KDM7A: variants seen among roughly 807,000 people sequenced by gnomAD.
KDM7A encodes the protein lysine demethylase 7A, also known as lysine-specific demethylase 7A.
Under a neutral mutation model 114.8 loss-of-function variants are expected in KDM7A, and 28 were observed. That is an observed-to-expected ratio of 0.24 (90% CI 0.18 to 0.33). The LOEUF (loss-of-function observed/expected upper bound fraction) is 0.33, where lower values mean the gene tolerates loss of function less well. Ranked by LOEUF, KDM7A falls within the 10% of genes least tolerant of loss-of-function variation. The pLI is 1.00. For synonymous variants in KDM7A, 423 were observed against 397.8 expected (o/e 1.06, Z -0.75); for missense variants, 942 against 1,142.5 (o/e 0.82, Z 2.53).
intron 9 of KDM7A, among the ~76,000 whole-genome samples, chr7:140,115,417 A>T (rs1347725824): frequency 2.0e-5 from 3 of 152,220 alleles, no homozygotes; most frequent in Admixed American, 1.3e-4. Context: ...AGAAAGAAGT[A>T]GACATGGGAG....
At position 140,176,798 on chromosome 7, in the gene KDM7A, T is replaced by C; in HGVS notation, c.140A>G (p.Asp47Gly). 2 of 1,415,238 alleles carry C rather than the reference T, an allele frequency of 1.4e-6. No individual in the cohort carries two copies. Among genetic ancestry groups the C allele is most frequent in the East Asian group, 3.4e-5 (1 of 29,342 alleles). 87.7% of individuals were successfully genotyped at this position (1,415,238 alleles called of 1,614,324 possible). ...GCACTCGATCATGAAGCGGTTCACG[T>C]CGTACGGCTGCCGGCACACACAGTA... ...PVYCVCRQPY[D>G]VNRFMIECDI... Residue 47 changes from aspartate to glycine, a missense_variant, in exon 1 of 20, where the codon GAC becomes GGC. Physicochemically the swap from Asp to Gly is moderately conservative, Grantham distance 94. Coordinates refer to ENST00000397560, the MANE Select transcript of KDM7A (RefSeq NM_030647.2). This position sits in a 1 kb window ranked among gnomAD's most constrained non-coding sequence, Gnocchi z 4.4.
intron 1 of KDM7A, among the ~76,000 whole-genome samples, chr7:140,166,490 C>T (rs1221499847): frequency 6.6e-6 from 1 of 151,916 alleles, no homozygotes; most frequent in Non-Finnish European, 1.5e-5. Flanking sequence ...CAGGCACTCC[C>T]CACAATGCCC....
intron 8 of KDM7A, 69 bp from the exon 9 acceptor site, chr7:140,119,288 G>A: frequency 2.4e-6 from 2 of 832,708 alleles, no homozygotes; most frequent in South Asian, 1.8e-5. Context: ...GTAACCAACT[G>A]GAAAATAAAA....
At chr7:140,112,240 G>C (rs1270591597) in intron 10 of KDM7A, among the ~76,000 whole-genome samples, 1 of 152,142 alleles carries the variant, frequency 6.6e-6, no homozygotes, top group Non-Finnish European at 1.5e-5. Flanking sequence ...AATCATTGAG[G>C]CAGTAACCTA....
At chr7:140,118,147 G>A (rs1237363294) in intron 9 of KDM7A, among the ~76,000 whole-genome samples, 2 of 152,168 alleles carry the variant, frequency 1.3e-5, no homozygotes, top group Admixed American at 6.5e-5. Flanking sequence ...TCTGAGAGTT[G>A]TCAATTATAA....
chr7:140,100,679 T>TATATATATATATATATATATATATACAC (rs1192609907), intron 12 of KDM7A, among the ~76,000 whole-genome samples: 2 of 63,996 alleles, frequency 3.1e-5, no homozygotes, highest in Admixed American at 1.8e-4. Context: ...TATATATATA[T>TATATATATATATATATATATATATACAC]ACATATATAC....
At chr7:140,145,592 A>T (rs1794331274) in intron 1 of KDM7A, among the ~76,000 whole-genome samples, 1 of 152,236 alleles carries the variant, frequency 6.6e-6, no homozygotes, top group Non-Finnish European at 1.5e-5. Flanking sequence ...CAATAAAACA[A>T]GTTCAAAACC....
intron 1 of KDM7A, among the ~76,000 whole-genome samples, chr7:140,144,300 T>C (rs1417570055): frequency 6.6e-6 from 1 of 152,190 alleles, no homozygotes; most frequent in South Asian, 2.1e-4. Context: ...AACATACATA[T>C]GCAAAAGAAT....
At chr7:140,127,608 T>C (rs779361793) in intron 4 of KDM7A, 25 bp from the exon 5 acceptor site, 1 of 1,604,268 alleles carries the variant, frequency 6.2e-7, no homozygotes, top group Admixed American at 1.7e-5. Context: ...TACAGTCTTA[T>C]TATTGGACTT....
intron 7 of KDM7A, 62 bp from the exon 8 acceptor site, chr7:140,120,591 T>C: frequency 1.1e-6 from 1 of 918,186 alleles, no homozygotes; most frequent in Non-Finnish European, 1.8e-6. Flanking sequence ...ACCAATAGGA[T>C]ATCTACCTGT....
chr7:140,130,023 C>T (rs1029126701), intron 3 of KDM7A, among the ~76,000 whole-genome samples: 1 of 152,110 alleles, frequency 6.6e-6, no homozygotes, highest in African/African-American at 2.4e-5. Context: ...GAAGAGCTCA[C>T]TGGAGCATTT....
chr7:140,099,549 G>A (rs556881084), intron 13 of KDM7A, among the ~76,000 whole-genome samples: 1 of 152,072 alleles, frequency 6.6e-6, no homozygotes, highest in Non-Finnish European at 1.5e-5. Flanking sequence ...GTACCAGTCC[G>A]TGGCCTGTTA....
At chr7:140,158,641 A>G (rs1794484790) in intron 1 of KDM7A, among the ~76,000 whole-genome samples, 1 of 152,218 alleles carries the variant, frequency 6.6e-6, no homozygotes, top group Non-Finnish European at 1.5e-5. Flanking sequence ...GAGAGCTACG[A>G]AAGAAAACAG....
At chr7:140,169,799 G>A (rs949268696) in intron 1 of KDM7A, among the ~76,000 whole-genome samples, 2 of 152,142 alleles carry the variant, frequency 1.3e-5, no homozygotes, top group East Asian at 3.9e-4. Context: ...GCTGGGATTA[G>A]CGTGAGCCAC....
chr7:140,100,093 G>A lies in KDM7A; in HGVS notation c.1639-70C>T, dbSNP rs562825741. 29 of 1,514,278 alleles carry A rather than the reference G, an allele frequency of 1.9e-5. No individual in the cohort carries two copies. In the East Asian group the frequency reaches 6.1e-4, roughly 32 times the overall value. The allele number at this position is 1,514,278 out of a possible 1,614,324, so 93.8% of individuals were successfully genotyped here. On this transcript the variant is annotated intron_variant, in intron 12 of 19. Coordinates refer to ENST00000397560, the MANE Select transcript of KDM7A (RefSeq NM_030647.2). ...AGCCCTGTTCGACTGATGGAATACA[G>A]TATACCACCACCTCCCCCATGGTCC...
intron 8 of KDM7A, among the ~76,000 whole-genome samples, chr7:140,119,550 T>TA (rs1174281480): frequency 1.3e-5 from 2 of 152,254 alleles, no homozygotes; most frequent in African/African-American, 2.4e-5. Flanking sequence ...AAAACACCTC[T>TA]ATGTGTTAGA....
At chr7:140,135,709 TTAA>T (rs775770033) in intron 2 of KDM7A, among the ~76,000 whole-genome samples, 3 of 152,198 alleles carry the variant, frequency 2.0e-5, no homozygotes, top group Non-Finnish European at 2.9e-5. Flanking sequence ...TTTGTATATA[TTAA>T]TGTTTCCCTG....
intron 1 of KDM7A, 125 bp from the exon 2 acceptor site, chr7:140,139,315 C>A: frequency 3.2e-6 from 2 of 632,608 alleles, no homozygotes; most frequent in Non-Finnish European, 5.7e-6. Context: ...TTGTAGAGCA[C>A]AGAAACACAT....
At chr7:140,164,311 G>A (rs1420435051) in intron 1 of KDM7A, among the ~76,000 whole-genome samples, 1 of 152,162 alleles carries the variant, frequency 6.6e-6, no homozygotes, top group African/African-American at 2.4e-5. Context: ...ATAGATCAGG[G>A]TTTCTCAACA....
Sources: allele counts gnomAD v4.1 joint callset (sites outside exome capture counted in the v4.1 genomes callset), GRCh38; gene constraint gnomAD v4.1.1; non-coding constraint Gnocchi (gnomAD v3.1); transcripts MANE v1.5; gene names NCBI Gene and HGNC (gene_info 2026-07-23, HGNC 2026-07-21).